The following CORO2B variants were observed in gnomAD, a reference collection of about 807,000 sequenced individuals.
The protein encoded by CORO2B is coronin-2B.
In CORO2B, 26 loss-of-function variants were observed where a neutral mutation model predicts 58.8. The observed-to-expected ratio is 0.44, with a 90% CI of 0.32 to 0.61. The LOEUF is 0.61. Ranked by LOEUF, CORO2B falls within the 20% of genes least tolerant of loss-of-function variation. CORO2B has a pLI of 0.04. For missense variants in CORO2B, 460 were observed against 645.1 expected (o/e 0.71, Z 3.11); for synonymous variants, 242 against 253.8 (o/e 0.95, Z 0.44).
upstream of CORO2B, among the ~76,000 whole-genome samples, chr15:68,577,849 T>C (rs1009512585): frequency 1.3e-5 from 2 of 152,024 alleles, no homozygotes; most frequent in South Asian, 2.1e-4. Context: ...CCATCTCCTC[T>C]CTGTTCCCCC....
intron 1 of CORO2B, among the ~76,000 whole-genome samples, chr15:68,617,207 G>A (rs928912961): frequency 1.3e-5 from 2 of 152,202 alleles, no homozygotes; most frequent in Non-Finnish European, 1.5e-5. Context: ...ACTGGTGGCT[G>A]TGGGGAGTGG....
At chr15:68,691,776 A>G (rs1035067044) in intron 2 of CORO2B, among the ~76,000 whole-genome samples, 10 of 151,864 alleles carry the variant, frequency 6.6e-5, no homozygotes, top group Admixed American at 3.3e-4. Context: ...CTCTGTTCTG[A>G]ATAGGTTCCG....
At chr15:68,700,594 G>A (rs987708870) in intron 3 of CORO2B, among the ~76,000 whole-genome samples, 2 of 152,208 alleles carry the variant, frequency 1.3e-5, no homozygotes, top group Non-Finnish European at 2.9e-5. Context: ...GGGGCTTTGG[G>A]CCCGAGGGAG....
intron 1 of CORO2B, among the ~76,000 whole-genome samples, chr15:68,596,930 C>T (rs1236577856): frequency 6.6e-6 from 1 of 152,198 alleles, no homozygotes; most frequent in Non-Finnish European, 1.5e-5. Flanking sequence ...TGGCTCTCCT[C>T]CTGCCTGCCT....
chr15:68,715,003 C>T (rs1892998928), intron 7 of CORO2B, among the ~76,000 whole-genome samples: 2 of 152,180 alleles, frequency 1.3e-5, no homozygotes, highest in South Asian at 4.1e-4. Flanking sequence ...TCTACACACA[C>T]ACACTCACAT....
the CORO2B span, among the ~76,000 whole-genome samples, chr15:68,551,823 A>G: frequency 1.3e-5 from 2 of 152,258 alleles, no homozygotes; most frequent in African/African-American, 4.8e-5. Flanking sequence ...AAACATGACA[A>G]TGACTCTTAA....
At chr15:68,725,425 GTAA>G (rs535846725) in intron 11 of CORO2B, among the ~76,000 whole-genome samples, 263 of 151,774 alleles carry the variant, frequency 1.7e-3, no homozygotes, top group African/African-American at 6.1e-3. Flanking sequence ...TGTAATACAT[GTAA>G]TAATACATCT....
At chr15:68,581,586 T>C (rs1459933464) in intron 1 of CORO2B, among the ~76,000 whole-genome samples, 1 of 152,228 alleles carries the variant, frequency 6.6e-6, no homozygotes, top group East Asian at 1.9e-4. Context: ...ATTTGTCAAA[T>C]GTAAGACTTG....
chr15:68,693,237 C>G (rs1174701342), intron 2 of CORO2B, among the ~76,000 whole-genome samples: 1 of 152,144 alleles, frequency 6.6e-6, no homozygotes, highest in Non-Finnish European at 1.5e-5. Context: ...TGCAAAAGAT[C>G]AAACGATCTG....
At chr15:68,560,659 T>C in the CORO2B span, among the ~76,000 whole-genome samples, 1 of 152,192 alleles carries the variant, frequency 6.6e-6, no homozygotes, top group Admixed American at 6.5e-5. Flanking sequence ...CCTGTCTCTC[T>C]AAGCACTGTC....
chr15:68,725,758 G>A, intron 11 of CORO2B, 85 bp from the exon 12 acceptor site: 1 of 1,560,812 alleles, frequency 6.4e-7, no homozygotes, highest in South Asian at 1.1e-5. Context: ...ACGGGCGGCA[G>A]GCAGCTGGAG....
At position 68,645,107 on chromosome 15, in the gene CORO2B, C is replaced by T. The variant is rs1186450373; in HGVS notation, c.16-53C>T. On this transcript the variant is annotated intron_variant, in intron 1 of 11. Coordinates refer to ENST00000261861, the MANE Select transcript of CORO2B (RefSeq NM_006091.5). This position sits in a 1 kb window ranked among gnomAD's most constrained non-coding sequence, Gnocchi z 4.5. ...CCCTCCCCCAAGAGCCCAGCCGAGG[C>T]CCTTCATGGCACAGGGCCCAGCCTG... is the stretch of plus-strand genomic sequence containing the variant. 18 of 1,578,812 alleles carry T rather than the reference C, an allele frequency of 1.1e-5. No homozygotes were observed. In the Admixed American group the frequency reaches 3.2e-4, roughly 28 times the overall value.
chr15:68,653,225 C>T (rs1045805290), intron 2 of CORO2B, among the ~76,000 whole-genome samples: 1 of 152,200 alleles, frequency 6.6e-6, no homozygotes. Flanking sequence ...ATTCATCTAA[C>T]AGATGGGTAT....
intron 3 of CORO2B, among the ~76,000 whole-genome samples, chr15:68,709,468 T>G (rs1892861656): frequency 6.7e-6 from 1 of 149,334 alleles, no homozygotes; most frequent in African/African-American, 2.5e-5. Flanking sequence ...TGTTTTTTTT[T>G]TTTTTTTTTT....
chr15:68,621,115 C>T (rs1900503819), intron 1 of CORO2B, among the ~76,000 whole-genome samples: 2 of 152,178 alleles, frequency 1.3e-5, no homozygotes, highest in Non-Finnish European at 2.9e-5. Flanking sequence ...GTGTGACCAC[C>T]ATAAACCCTG....
chr15:68,609,661 C>G (rs1244998401), intron 1 of CORO2B, among the ~76,000 whole-genome samples: 2 of 152,196 alleles, frequency 1.3e-5, no homozygotes, highest in Non-Finnish European at 2.9e-5. Flanking sequence ...GCCCGCTGTC[C>G]CCTCCCCACT....
At position 68,645,231 on chromosome 15, in the gene CORO2B, C is replaced by T; in HGVS notation, c.87C>T (p.His29=). Residue 29 remains histidine (H), a synonymous_variant, in exon 2 of 12, where the codon CAC becomes CAT. Coordinates refer to ENST00000261861, the MANE Select transcript of CORO2B (RefSeq NM_006091.5). The surrounding 1 kb of genome is among the most constrained non-coding windows in gnomAD (Gnocchi z 4.5). The part of the protein sequence containing the change: ...NVYGKVANRE[H]CFDGIPITKN... ...ACGGGAAGGTGGCCAACCGGGAGCA[C>T]TGCTTCGATGGGATCCCCATCACCA... The T allele has an allele frequency of 1.2e-6, 2 of 1,614,234 alleles. No homozygotes were observed. Among genetic ancestry groups the T allele is most frequent in the African/African-American group, 1.3e-5 (1 of 75,070 alleles).
At chr15:68,705,719 T>A (rs1378787040) in intron 3 of CORO2B, among the ~76,000 whole-genome samples, 1 of 151,996 alleles carries the variant, frequency 6.6e-6, no homozygotes, top group Non-Finnish European at 1.5e-5. Context: ...TGACCCCCCA[T>A]CCCTGGGCTT....
chr15:68,575,245 C>T (rs1899257117), upstream of CORO2B, among the ~76,000 whole-genome samples: 1 of 152,190 alleles, frequency 6.6e-6, no homozygotes. Flanking sequence ...ACCCGCTAGG[C>T]TGACAGGCAA....
Sources: gnomAD v4.1 joint callset for allele counts (sites outside exome capture counted in the v4.1 genomes callset) on GRCh38, gnomAD v4.1.1 for gene constraint, Gnocchi (gnomAD v3.1) non-coding constraint, MANE v1.5 for transcripts, NCBI Gene and HGNC (gene_info 2026-07-23, HGNC 2026-07-21) for gene names.